Variants in GNAI3 observed in about 807,000 individuals in gnomAD.
GNAI3 encodes G protein subunit alpha i3, also known as guanine nucleotide-binding protein G(i) subunit alpha-3.
GNAI3 carries 12 observed loss-of-function variants against 41.8 expected under a neutral mutation model. The ratio of observed to expected loss-of-function variants is 0.29; its 90% CI spans 0.18 to 0.47. The LOEUF (loss-of-function observed/expected upper bound fraction) is 0.47, where lower values mean the gene tolerates loss of function less well. GNAI3 is among the 20% of genes least tolerant of loss of function. The pLI, the probability that GNAI3 is intolerant of heterozygous loss-of-function variation, is 1.00. For synonymous variants in GNAI3, 132 were observed against 146.5 expected (o/e 0.90, Z 0.71); for missense variants, 360 against 429.6 (o/e 0.84, Z 1.43).
chr1:109,559,659 CT>C (rs1475325238), intron 1 of GNAI3, among the ~76,000 whole-genome samples: 2 of 152,158 alleles, frequency 1.3e-5, no homozygotes, highest in African/African-American at 2.4e-5. Context: ...TGAAGTACCC[CT>C]AATGTACATG....
chr1:109,592,220 G>A lies in GNAI3; in HGVS notation c.1052G>A (p.Cys351Tyr). ...DVIIKNNLKE[C>Y]GLY ...ATCATTAAAAACAACTTAAAGGAAT[G>A]TGGACTTTATTGAGAAGCATGGATG... The change falls in exon 8 of 9, where the codon TGT becomes TAT. Residue 351 changes from cysteine (C) to tyrosine (Y), a missense_variant. Transcript: ENST00000369851. The A allele has an allele frequency of 6.2e-7, 1 of 1,608,148 alleles. No individual in the cohort carries two copies. Among genetic ancestry groups the A allele is most frequent in the Non-Finnish European group, 8.5e-7 (1 of 1,174,662 alleles).
At chr1:109,577,604 CT>C (rs1231313244) in intron 3 of GNAI3, among the ~76,000 whole-genome samples, 1 of 152,112 alleles carries the variant, frequency 6.6e-6, no homozygotes, top group Non-Finnish European at 1.5e-5. Context: ...TGAGCCTAGT[CT>C]ACCGCCATGC....
chr1:109,552,927 C>T (rs923673040), intron 1 of GNAI3, among the ~76,000 whole-genome samples: 1 of 151,802 alleles, frequency 6.6e-6, no homozygotes. Context: ...GCTCTGAGAC[C>T]CAGAGCAAGT....
intron 5 of GNAI3, among the ~76,000 whole-genome samples, chr1:109,584,282 A>G (rs1648982176): frequency 6.6e-6 from 1 of 152,208 alleles, no homozygotes; most frequent in Non-Finnish European, 1.5e-5. Context: ...TGCTTTTAGA[A>G]TAGACTTGCT....
At chr1:109,589,686 G>A (rs1164614392) in intron 7 of GNAI3, among the ~76,000 whole-genome samples, 1 of 152,130 alleles carries the variant, frequency 6.6e-6, no homozygotes, top group Non-Finnish European at 1.5e-5. Flanking sequence ...ATAATAGATG[G>A]TACAACTTGT....
At chr1:109,549,849 G>A (rs530668956) in intron 1 of GNAI3, among the ~76,000 whole-genome samples, 41 of 152,300 alleles carry the variant, frequency 2.7e-4, no homozygotes, top group Non-Finnish European at 5.3e-4. Flanking sequence ...ACAGTCGGAT[G>A]TATTTTACTC....
chr1:109,562,522 C>T (rs527416576), intron 1 of GNAI3, among the ~76,000 whole-genome samples: 1 of 152,126 alleles, frequency 6.6e-6, no homozygotes, highest in Non-Finnish European at 1.5e-5. Flanking sequence ...CATTCCACCA[C>T]TAATTCATGC....
In GNAI3 at chr1:109,594,814, G is replaced by A. The variant is rs1649255795; in HGVS notation, c.*2492G>A. The A allele has an allele frequency of 6.6e-6, 1 of 151,992 alleles. No homozygotes were observed. Among genetic ancestry groups the A allele is most frequent in the Admixed American group, 6.5e-5 (1 of 15,268 alleles). The allele number at this position is 151,992 out of a possible 1,614,324, so 9.4% of individuals were successfully genotyped here. On this transcript the variant is annotated 3_prime_UTR_variant, in exon 9 of 9. Transcript: ENST00000369851. Reference sequence around the variant, plus strand: ...CCACGCCCAGCTAATTTTTTTGTATGTCTTAGTAGAGACGGGGTTTAACCG... The same window carrying A: ...CCACGCCCAGCTAATTTTTTTGTATATCTTAGTAGAGACGGGGTTTAACCG...
At chr1:109,558,830 C>G (rs565162457) in intron 1 of GNAI3, among the ~76,000 whole-genome samples, 1 of 151,984 alleles carries the variant, frequency 6.6e-6, no homozygotes, top group African/African-American at 2.4e-5. Flanking sequence ...AGTTTTATGG[C>G]AGGGGAATAG....
rs1649326876 is a variant in GNAI3 at position 109,597,142 on chromosome 1, A to C, written c.*4820A>C. On this transcript the variant is annotated 3_prime_UTR_variant, in exon 9 of 9. Coordinates refer to ENST00000369851, the MANE Select transcript of GNAI3 (RefSeq NM_006496.4). ...GGAGCATTTTAGATTTTGGATTTTCAGATTTGAAATGCTCAATCTATATTA... is the reference window on the plus strand; with the variant it reads ...GGAGCATTTTAGATTTTGGATTTTCCGATTTGAAATGCTCAATCTATATTA... The C allele has an allele frequency of 6.6e-6, 1 of 152,184 alleles. No individual in the cohort carries two copies. The highest frequency in any genetic ancestry group is 6.6e-5 in the Admixed American group (1 of 15,266). The allele number at this position is 152,184 out of a possible 1,614,324, so 9.4% of individuals were successfully genotyped here. A position where few individuals can be genotyped will look rare whatever the true frequency, so the allele number is the denominator to read the frequency against.
At chr1:109,570,366 T>C (rs1648560652) in intron 1 of GNAI3, among the ~76,000 whole-genome samples, 1 of 152,216 alleles carries the variant, frequency 6.6e-6, no homozygotes, top group Admixed American at 6.5e-5. Context: ...TGTTTAGTAA[T>C]ATTTATTTGA....
rs1649227477 is a variant in GNAI3 at position 109,593,802 on chromosome 1, C to G, written c.*1480C>G. 6.6e-6 allele frequency: 1 copy of G among 152,580 alleles called. No homozygotes were observed. The highest frequency in any genetic ancestry group is 1.9e-4 in the East Asian group (1 of 5,198). 9.5% of individuals were successfully genotyped at this position (152,580 alleles called of 1,614,324 possible). A position where few individuals can be genotyped will look rare whatever the true frequency, so the allele number is the denominator to read the frequency against. On this transcript the variant is annotated 3_prime_UTR_variant, in exon 9 of 9. Transcript: ENST00000369851. ...CTTTTGTATAATGTACAGCAAATGT[C>G]ATTAAATATTGAATGCTCTATTGGG...
chr1:109,584,505 T>C (rs905941520), intron 5 of GNAI3, among the ~76,000 whole-genome samples: 1 of 152,262 alleles, frequency 6.6e-6, no homozygotes, highest in Non-Finnish European at 1.5e-5. Context: ...CTGTCCTGTC[T>C]TTTTATGCCA....
At chr1:109,555,198 G>T (rs1277797803) in intron 1 of GNAI3, among the ~76,000 whole-genome samples, 1 of 151,926 alleles carries the variant, frequency 6.6e-6, no homozygotes, top group African/African-American at 2.4e-5. Flanking sequence ...AATTCATGTG[G>T]ACCCAAAAAA....
chr1:109,555,155 C>T (rs1296646006), intron 1 of GNAI3, among the ~76,000 whole-genome samples: 1 of 152,164 alleles, frequency 6.6e-6, no homozygotes, highest in Non-Finnish European at 1.5e-5. Context: ...GTACCACCAT[C>T]ATTCTTCACA....
intron 1 of GNAI3, among the ~76,000 whole-genome samples, chr1:109,565,246 G>A (rs1423262983): frequency 7.8e-5 from 11 of 141,848 alleles, no homozygotes; most frequent in East Asian, 6.0e-4. Context: ...GTGAGACTCC[G>A]TCTCAAAAAA....
chr1:109,552,882 A>G (rs1196925386), intron 1 of GNAI3, among the ~76,000 whole-genome samples: 1 of 152,214 alleles, frequency 6.6e-6, no homozygotes, highest in Non-Finnish European at 1.5e-5. Context: ...TTGGATTCAC[A>G]CAAAACTGAA....
chr1:109,576,501 TG>T (rs1409902286), intron 3 of GNAI3, among the ~76,000 whole-genome samples: 2 of 151,616 alleles, frequency 1.3e-5, no homozygotes, highest in Non-Finnish European at 2.9e-5. Flanking sequence ...GGGCCTCTTC[TG>T]TTTTTTTTTT....
intron 4 of GNAI3, 85 bp from the exon 5 acceptor site, chr1:109,582,352 T>G: frequency 9.8e-7 from 1 of 1,024,168 alleles, no homozygotes; most frequent in Non-Finnish European, 1.5e-6. Flanking sequence ...AGTAACAGGT[T>G]TAAAATAGGA....
Sources: allele counts gnomAD v4.1 joint callset (sites outside exome capture counted in the v4.1 genomes callset), GRCh38; gene constraint gnomAD v4.1.1; transcripts MANE v1.5; gene names NCBI Gene and HGNC (gene_info 2026-07-23, HGNC 2026-07-21).